UBE2O: variants seen among roughly 807,000 people sequenced by gnomAD.
UBE2O encodes ubiquitin conjugating enzyme E2 O.
A neutral mutation model predicts 125.8 loss-of-function variants in UBE2O; 15 were observed. That is an observed-to-expected ratio of 0.12 (90% CI 0.08 to 0.18). The LOEUF (loss-of-function observed/expected upper bound fraction) is 0.18, where lower values mean the gene tolerates loss of function less well. Ranked by LOEUF, UBE2O falls within the 10% of genes least tolerant of loss-of-function variation. The pLI is 1.00. For missense variants in UBE2O, 1,280 were observed against 1,723.6 expected (o/e 0.74, Z 4.56); for synonymous variants, 708 against 703.2 (o/e 1.01, Z -0.11).
chr17:76,445,151 C>A (rs564743299), intron 1 of UBE2O, among the ~76,000 whole-genome samples: 1 of 152,212 alleles, frequency 6.6e-6, no homozygotes, highest in East Asian at 1.9e-4. Flanking sequence ...TTTAAGGGTG[C>A]CTGCAGGAAA....
At chr17:76,435,594 C>G (rs1309785341) in intron 1 of UBE2O, among the ~76,000 whole-genome samples, 1 of 152,184 alleles carries the variant, frequency 6.6e-6, no homozygotes, top group East Asian at 1.9e-4. Context: ...GCAGTGACCA[C>G]TGGTCAGGTG....
intron 1 of UBE2O, among the ~76,000 whole-genome samples, chr17:76,427,571 T>C (rs1411223186): frequency 6.6e-6 from 1 of 152,202 alleles, no homozygotes; most frequent in Non-Finnish European, 1.5e-5. Flanking sequence ...ATCCTAGGAT[T>C]CCAAAAGGCC....
At chr17:76,392,691 G>A (rs1258258374) in intron 15 of UBE2O, among the ~76,000 whole-genome samples, 4 of 152,114 alleles carry the variant, frequency 2.6e-5, no homozygotes, top group Non-Finnish European at 5.9e-5. Flanking sequence ...GGTGGTTCGT[G>A]CCTGTAATCC....
rs953593848 is a variant in UBE2O, at chr17:76,390,415, G to C, written c.*528C>G. ...AGTGACAGCAGCTACAACTCCCAAGGGATAGTGTTGACGCTGGAGGACTAG... is the reference window on the plus strand; with the variant it reads ...AGTGACAGCAGCTACAACTCCCAAGCGATAGTGTTGACGCTGGAGGACTAG... On this transcript the variant is annotated 3_prime_UTR_variant, in exon 18 of 18. Transcript: ENST00000319380. 6.5e-6 allele frequency: 1 copy of C among 154,288 alleles called. No individual in the cohort carries two copies. The highest frequency in any genetic ancestry group is 1.4e-5 in the Non-Finnish European group (1 of 69,526). The allele number at this position is 154,288 out of a possible 1,614,324, so 9.6% of individuals were successfully genotyped here.
Position 76,398,597 on chromosome 17 carries a change from A to T in UBE2O, c.1784-13T>A. 6.2e-7 allele frequency: 1 copy of T among 1,612,064 alleles called. No homozygotes were observed. The highest frequency in any genetic ancestry group is 1.1e-5 in the South Asian group (1 of 91,022). On this transcript the variant is annotated splice_polypyrimidine_tract_variant and intron_variant, in intron 10 of 17. Coordinates refer to ENST00000319380, the MANE Select transcript of UBE2O (RefSeq NM_022066.4). The surrounding 1 kb of genome is among the most constrained non-coding windows in gnomAD (Gnocchi z 5.4). Reference sequence around the variant, plus strand: ...GGACAGCTCTGGACTAGGGAACCAGAGAAAGGGAAGTGACTAGCTAAGGGA... The same window carrying T: ...GGACAGCTCTGGACTAGGGAACCAGTGAAAGGGAAGTGACTAGCTAAGGGA...
In UBE2O at chr17:76,404,134, G is replaced by C. The variant is rs1249624017; in HGVS notation, c.588+1072C>G. The stretch of plus-strand genomic sequence containing the variant: ...CAACATCAGAGCAATGGCTGGCGCA[G>C]GGGGAACTGTGAATGGAGGCCAAAG... On this transcript the variant is annotated intron_variant, in intron 3 of 17. Transcript: ENST00000319380. This position sits in a 1 kb window ranked among gnomAD's most constrained non-coding sequence, Gnocchi z 4.3. Among the ~76,000 whole-genome samples, 1 of 152,236 alleles carries C rather than the reference G, an allele frequency of 6.6e-6. No homozygotes were observed. The highest frequency in any genetic ancestry group is 1.5e-5 in the Non-Finnish European group (1 of 68,048).
intron 1 of UBE2O, among the ~76,000 whole-genome samples, chr17:76,432,517 A>C (rs1018752544): frequency 2.0e-5 from 3 of 152,196 alleles, no homozygotes; most frequent in African/African-American, 7.2e-5. Context: ...CAGATTTAAA[A>C]CAATTACATC....
Position 76,399,653 on chromosome 17 carries a change from G to C in UBE2O, c.1424C>G (p.Ser475Trp), listed in dbSNP as rs777873761. The part of the protein sequence containing the change: ...LKEGRDDRLH[S>W]AEQDADDEAA... ...CTCATCATCTGCGTCCTGCTCTGCC[G>C]AGTGCAGCCTGTCATCTCTGCCTTC... is the stretch of plus-strand genomic sequence containing the variant. The change falls in exon 9 of 18, where the codon TCG (serine) becomes TGG (tryptophan). Residue 475 changes from serine to tryptophan, a missense_variant. This residue lies in a region of UBE2O where 141 missense variants were observed against 141.3 expected (regional missense o/e 1.00). Transcript: ENST00000319380. This position sits in a 1 kb window ranked among gnomAD's most constrained non-coding sequence, Gnocchi z 6.9. 1.2e-6 allele frequency: 2 copies of C among 1,614,062 alleles called. No individual in the cohort carries two copies. The highest frequency in any genetic ancestry group is 2.7e-5 in the African/African-American group (2 of 74,916).
intron 1 of UBE2O, among the ~76,000 whole-genome samples, chr17:76,431,315 C>G (rs932981475): frequency 5.3e-5 from 8 of 151,892 alleles, no homozygotes; most frequent in Non-Finnish European, 8.8e-5. Context: ...AGCTCAAGAG[C>G]AGCCTGGCCA....
rs1018661046 is a variant in UBE2O, at chr17:76,452,107, A to G, written c.417+618T>C. 6.6e-6 allele frequency among the ~76,000 whole-genome samples: 1 copy of G among 151,980 alleles called. No homozygotes were observed. Among genetic ancestry groups the G allele is most frequent in the Non-Finnish European group, 1.5e-5 (1 of 68,010 alleles). On this transcript the variant is annotated intron_variant, in intron 1 of 17. Transcript: ENST00000319380. This position sits in a 1 kb window ranked among gnomAD's most constrained non-coding sequence, Gnocchi z 4.4. The stretch of plus-strand genomic sequence containing the variant: ...GCTGTCAGAATCCTCCCCCCCAAGT[A>G]CTATTCATACCGGGGCTCTGATTGC...
intron 1 of UBE2O, among the ~76,000 whole-genome samples, chr17:76,413,560 T>C (rs775426820): frequency 6.6e-6 from 1 of 152,182 alleles, no homozygotes; most frequent in Non-Finnish European, 1.5e-5. Context: ...GTTGCATATA[T>C]AACACGTATG....
At chr17:76,418,406 C>A (rs540403702) in intron 1 of UBE2O, among the ~76,000 whole-genome samples, 1 of 152,168 alleles carries the variant, frequency 6.6e-6, no homozygotes, top group Non-Finnish European at 1.5e-5. Flanking sequence ...AACTGCGAGG[C>A]GCCATTTGGC....
intron 1 of UBE2O, chr17:76,430,485 A>G: frequency 3.8e-6 from 1 of 260,684 alleles, no homozygotes; most frequent in South Asian, 4.3e-5. Flanking sequence ...TTTTCTACAA[A>G]ATGGGTGGTC....
In UBE2O at chr17:76,397,812, A is replaced by G. The variant is rs775295354; in HGVS notation, c.2102T>C (p.Ile701Thr). 6.2e-7 allele frequency: 1 copy of G among 1,614,158 alleles called. No homozygotes were observed. The highest frequency in any genetic ancestry group is 1.7e-5 in the Admixed American group (1 of 60,024). ...EVVWADNSKT[I>T]ILPQHLYNIE... ...CCAGAGCCTCACCTGGGGCAGGATG[A>G]TGGTCTTTGAGTTGTCAGCCCACAC... Residue 701 changes from isoleucine (I) to threonine (T), a missense_variant, in exon 13 of 18, where the codon ATC (isoleucine) becomes ACC (threonine). Physicochemically the swap from Ile to Thr is moderately conservative, Grantham distance 89. Coordinates refer to ENST00000319380, the MANE Select transcript of UBE2O (RefSeq NM_022066.4).
rs1321495230 is a variant in UBE2O, at chr17:76,405,842, C to A, written c.418-270G>T. Among the ~76,000 whole-genome samples, 1 of 152,198 alleles carries A rather than the reference C, an allele frequency of 6.6e-6. No homozygotes were observed. Among genetic ancestry groups the A allele is most frequent in the African/African-American group, 2.4e-5 (1 of 41,462 alleles). On this transcript the variant is annotated intron_variant, in intron 1 of 17. Coordinates refer to ENST00000319380, the MANE Select transcript of UBE2O (RefSeq NM_022066.4). The surrounding 1 kb of genome is among the most constrained non-coding windows in gnomAD (Gnocchi z 6.1). ...ACTTGGCTTGCCGGAGGTAGCCTTC[C>A]TCACACTGAACAGTGCAGCTCAATG...
Position 76,399,479 on chromosome 17 carries a change from T to G in UBE2O, c.1598A>C (p.Lys533Thr), listed in dbSNP as rs1397115587. Reference protein sequence around the residue: ...LKRKHKRKKNKITRDFKPGDR... With the variant: ...LKRKHKRKKNTITRDFKPGDR... ...CCCTGGCTTGAAGTCTCGAGTGATT[T>G]TATTCTTCTTCCTCTTGTGTTTGCG... The change falls in exon 9 of 18, where the codon AAA becomes ACA. Residue 533 changes from lysine to threonine, a missense_variant. This residue lies in a region of UBE2O where 145 missense variants were observed against 219.6 expected (regional missense o/e 0.66). Coordinates refer to ENST00000319380, the MANE Select transcript of UBE2O (RefSeq NM_022066.4). The surrounding 1 kb of genome is among the most constrained non-coding windows in gnomAD (Gnocchi z 6.9). 6.2e-7 allele frequency: 1 copy of G among 1,614,082 alleles called. No homozygotes were observed.
rs2072212455 is a variant in UBE2O at position 76,396,555 on chromosome 17, G to A, written c.2382C>T (p.Pro794=). 1.2e-6 allele frequency: 2 copies of A among 1,611,480 alleles called. No homozygotes were observed. The highest frequency in any genetic ancestry group is 1.7e-6 in the Non-Finnish European group (2 of 1,179,118). Residue 794 remains proline (P), a synonymous_variant, in exon 14 of 18, where the codon CCC becomes CCT. Coordinates refer to ENST00000319380, the MANE Select transcript of UBE2O (RefSeq NM_022066.4). This position sits in a 1 kb window ranked among gnomAD's most constrained non-coding sequence, Gnocchi z 6.7. ...AVQGAVAMAA[P]MAGLMEKAGK... is the part of the protein sequence containing the mutation. ...CAGCCTTCTCCATCAGCCCGGCCATGGGGGCAGCCATGGCCACAGCCCCCT... is the reference window on the plus strand; with the variant it reads ...CAGCCTTCTCCATCAGCCCGGCCATAGGGGCAGCCATGGCCACAGCCCCCT...
Position 76,452,655 on chromosome 17 carries a change from G to A in UBE2O, c.417+70C>T, listed in dbSNP as rs1305330630. The A allele has an allele frequency of 1.5e-6, 2 of 1,313,992 alleles. No individual in the cohort carries two copies. The highest frequency in any genetic ancestry group is 3.2e-5 in the East Asian group (1 of 31,426). 81.4% of individuals were successfully genotyped at this position (1,313,992 alleles called of 1,614,324 possible). A position where few individuals can be genotyped will look rare whatever the true frequency, so the allele number is the denominator to read the frequency against. On this transcript the variant is annotated intron_variant, in intron 1 of 17. Coordinates refer to ENST00000319380, the MANE Select transcript of UBE2O (RefSeq NM_022066.4). The surrounding 1 kb of genome is among the most constrained non-coding windows in gnomAD (Gnocchi z 4.4). The stretch of plus-strand genomic sequence containing the variant: ...CGCTCCGGGCAGGGCCCTGCACGCC[G>A]TCCTTCCCTGGCCTCGGCCCGGCCG...
chr17:76,445,991 A>G (rs1411752185), intron 1 of UBE2O, among the ~76,000 whole-genome samples: 1 of 152,244 alleles, frequency 6.6e-6, no homozygotes, highest in Non-Finnish European at 1.5e-5. Flanking sequence ...AAGGAGCTAC[A>G]GTTAAAAATA....
Sources: allele counts gnomAD v4.1 joint callset (sites outside exome capture counted in the v4.1 genomes callset), GRCh38; gene constraint gnomAD v4.1.1; regional missense constraint gnomAD v4.1.1; non-coding constraint Gnocchi (gnomAD v3.1); transcripts MANE v1.5; gene names NCBI Gene and HGNC (gene_info 2026-07-23, HGNC 2026-07-21).